The following ADAM11 variants were observed in gnomAD, a reference collection of about 807,000 sequenced individuals.
The protein encoded by ADAM11 is ADAM metallopeptidase domain 11, also known as disintegrin and metalloproteinase domain-containing protein 11.
Under a neutral mutation model 119.1 loss-of-function variants are expected in ADAM11, and 49 were observed. The observed-to-expected ratio is 0.41, with a 90% CI of 0.33 to 0.52. ADAM11 has a LOEUF of 0.52. Ranked by LOEUF, ADAM11 falls within the 20% of genes least tolerant of loss-of-function variation. The pLI is 0.20. For missense variants in ADAM11, 777 were observed against 1,047.5 expected (o/e 0.74, Z 3.56); for synonymous variants, 364 against 408.0 (o/e 0.89, Z 1.30).
chr17:44,769,996 C>T lies in ADAM11; in HGVS notation c.329C>T (p.Ser110Leu), dbSNP rs376893849. ...DLELNHHLLS[S>L]QYVERHFSRE... ...CTCTGTCTCAGCCACCTCCTCTCCT[C>T]GCAATACGTGGAGCGCCACTTCAGC... Residue 110 changes from serine to leucine, a missense_variant, in exon 4 of 27, where the codon TCG becomes TTG. Ser to Leu is a moderately radical substitution (Grantham distance 145). Coordinates refer to ENST00000200557, the MANE Select transcript of ADAM11 (RefSeq NM_002390.6). The T allele has an allele frequency of 8.7e-6, 14 of 1,614,034 alleles. No homozygotes were observed. Among genetic ancestry groups the T allele is most frequent in the Non-Finnish European group, 1.2e-5 (14 of 1,180,014 alleles).
intron 2 of ADAM11, among the ~76,000 whole-genome samples, chr17:44,764,456 G>C (rs1036034304): frequency 6.6e-6 from 1 of 152,198 alleles, no homozygotes; most frequent in Non-Finnish European, 1.5e-5. Context: ...TATAGTCTGT[G>C]TGGCTGAAGT....
At chr17:44,770,488 TCC>T (rs754119100) in intron 4 of ADAM11, among the ~76,000 whole-genome samples, 4,384 of 60,266 alleles carry the variant, frequency 0.073, 351 homozygotes, top group African/African-American at 0.22. Flanking sequence ...ATAGCCTGTC[TCC>T]CCCCCCCCCG....
chr17:44,764,789 T>C (rs1019119069), intron 2 of ADAM11, among the ~76,000 whole-genome samples: 1 of 152,134 alleles, frequency 6.6e-6, no homozygotes, highest in East Asian at 1.9e-4. Context: ...AGATGATGAA[T>C]GTCAGGTGTC....
In ADAM11 at chr17:44,776,798, ATGATGGCTGCCCCC is replaced by A; in HGVS notation, c.1617+7_1617+20del. The A allele has an allele frequency of 1.2e-6, 2 of 1,614,162 alleles. No homozygotes were observed. The highest frequency in any genetic ancestry group is 1.7e-6 in the Non-Finnish European group (2 of 1,180,020). On this transcript the variant is annotated splice_donor_5th_base_variant and intron_variant, in intron 19 of 26. Transcript: ENST00000200557. The surrounding 1 kb of genome is among the most constrained non-coding windows in gnomAD (Gnocchi z 5.2). ...GTTACTACTGTGACCATGAGCAGGT[ATGATGGCTGCCCCC>A]TGAGCCTGGGATTCAGGGCAGTCTC...
At chr17:44,761,592 A>G (rs1245813307) in intron 2 of ADAM11, among the ~76,000 whole-genome samples, 3 of 152,096 alleles carry the variant, frequency 2.0e-5, no homozygotes, top group African/African-American at 2.4e-5. Context: ...ATGGAGTTCC[A>G]TGGATCTGCC....
At chr17:44,766,766 C>T (rs2049455535) in intron 2 of ADAM11, among the ~76,000 whole-genome samples, 1 of 152,028 alleles carries the variant, frequency 6.6e-6, no homozygotes, top group African/African-American at 2.4e-5. Context: ...GAGACAAGTG[C>T]AGGGCACAGG....
Position 44,759,811 on chromosome 17 carries a change from A to G in ADAM11, c.151A>G (p.Ser51Gly). ...AGGAGCCCCTGAGGTCACGGAACCC[A>G]GCCGTCTGGTTAGGGAGAGCTCCGG... ...GPGAPEVTEP[S>G]RLVRESSGGE... Residue 51 changes from serine to glycine, a missense_variant, in exon 2 of 27, where the codon AGC (serine) becomes GGC (glycine). Physicochemically the swap from Ser to Gly is moderately conservative, Grantham distance 56. Coordinates refer to ENST00000200557, the MANE Select transcript of ADAM11 (RefSeq NM_002390.6). The G allele has an allele frequency of 7.6e-7, 1 of 1,319,286 alleles. No homozygotes were observed. Among genetic ancestry groups the G allele is most frequent in the Non-Finnish European group, 9.7e-7 (1 of 1,026,288 alleles). 81.7% of individuals were successfully genotyped at this position (1,319,286 alleles called of 1,614,324 possible).
In ADAM11 at chr17:44,777,284, A is replaced by G. The variant is rs2049616956; in HGVS notation, c.1781+19A>G. The G allele has an allele frequency of 1.9e-6, 3 of 1,585,742 alleles. No individual in the cohort carries two copies. In the East Asian group the frequency reaches 6.7e-5, roughly 36 times the overall value. On this transcript the variant is annotated intron_variant, in intron 21 of 26. Transcript: ENST00000200557. The surrounding 1 kb of genome is among the most constrained non-coding windows in gnomAD (Gnocchi z 5.1). ...GTAAGCAGTGAGTACTGAGGCTCCC[A>G]GAGGGCCTCTCAGCTCCAGGGCAGG...
intron 4 of ADAM11, among the ~76,000 whole-genome samples, chr17:44,771,249 A>C (rs993178979): frequency 6.6e-6 from 1 of 151,650 alleles, no homozygotes; most frequent in Non-Finnish European, 1.5e-5. Flanking sequence ...GCAGTGAGCC[A>C]AGATCACACC....
intron 2 of ADAM11, among the ~76,000 whole-genome samples, chr17:44,767,141 G>T (rs1372184653): frequency 6.6e-6 from 1 of 151,954 alleles, no homozygotes; most frequent in East Asian, 1.9e-4. Context: ...GGATCACAAG[G>T]TCAGGAGTTC....
Position 44,770,067 on chromosome 17 carries a change from G to A in ADAM11, c.381+19G>A, listed in dbSNP as rs2145220308. ...CAGCACCGTGAGTGCCACTGCAGGG[G>A]ACCGGGGCCGGGGATGGAAGGGAGG... is the stretch of plus-strand genomic sequence containing the variant. On this transcript the variant is annotated intron_variant, in intron 4 of 26. Coordinates refer to ENST00000200557, the MANE Select transcript of ADAM11 (RefSeq NM_002390.6). 1 of 1,613,496 alleles carries A rather than the reference G, an allele frequency of 6.2e-7. No individual in the cohort carries two copies. The highest frequency in any genetic ancestry group is 2.2e-5 in the East Asian group (1 of 44,888).
Position 44,759,178 on chromosome 17 carries a change from G to A in ADAM11, c.-22G>A, listed in dbSNP as rs1238857738. 6 of 1,221,582 alleles carry A rather than the reference G, an allele frequency of 4.9e-6. No homozygotes were observed. The highest frequency in any genetic ancestry group is 6.2e-6 in the Non-Finnish European group (6 of 970,890). The allele number at this position is 1,221,582 out of a possible 1,614,324, so 75.7% of individuals were successfully genotyped here. A position where few individuals can be genotyped will look rare whatever the true frequency, so the allele number is the denominator to read the frequency against. On this transcript the variant is annotated 5_prime_UTR_variant, in exon 1 of 27. Transcript: ENST00000200557. The stretch of plus-strand genomic sequence containing the variant: ...GCGCCGCTGGCAGCCGCAGCCCCCG[G>A]ACCGGGAGGAATGAGCGAGCCATGA...
intron 25 of ADAM11, among the ~76,000 whole-genome samples, chr17:44,778,521 G>A (rs983562759): frequency 2.6e-5 from 4 of 151,838 alleles, no homozygotes; most frequent in African/African-American, 4.8e-5. Flanking sequence ...GTGAAACCCC[G>A]TCTCTATTAA....
Position 44,773,124 on chromosome 17 carries a change from G to GC in ADAM11, c.825+45dup, listed in dbSNP as rs757431453. 8 of 1,538,404 alleles carry GC rather than the reference G, an allele frequency of 5.2e-6. No individual in the cohort carries two copies. Among genetic ancestry groups the GC allele is most frequent in the South Asian group, 3.4e-5 (3 of 89,234 alleles). On this transcript the variant is annotated intron_variant, in intron 10 of 26. Coordinates refer to ENST00000200557, the MANE Select transcript of ADAM11 (RefSeq NM_002390.6). This position sits in a 1 kb window ranked among gnomAD's most constrained non-coding sequence, Gnocchi z 4.6. ...CCTCCCTCCCTTCCCTCCTCCTCAT[G>GC]CCCCCCACCCCACCACACACATTAG...
chr17:44,776,677 C>G lies in ADAM11; in HGVS notation c.1567-68C>G. The G allele has an allele frequency of 6.4e-7, 1 of 1,574,710 alleles. No homozygotes were observed. Among genetic ancestry groups the G allele is most frequent in the South Asian group, 1.1e-5 (1 of 88,526 alleles). ...GGGGGGCACTTGGTACCCCAGCATT[C>G]CTCCCTGGGGCAGCCCTCAGCTCCA... is the stretch of plus-strand genomic sequence containing the variant. On this transcript the variant is annotated intron_variant, in intron 18 of 26. Transcript: ENST00000200557. This position sits in a 1 kb window ranked among gnomAD's most constrained non-coding sequence, Gnocchi z 5.2.
At chr17:44,765,237 G>A (rs2049433367) in intron 2 of ADAM11, among the ~76,000 whole-genome samples, 1 of 148,778 alleles carries the variant, frequency 6.7e-6, no homozygotes. Context: ...TGGGTGGGGG[G>A]TTTCTCCCAG....
chr17:44,779,388 C>T, intron 26 of ADAM11, 149 bp downstream of exon 26: 1 of 1,455,434 alleles, frequency 6.9e-7, no homozygotes, highest in South Asian at 1.5e-5. Context: ...GCTGTCCCGG[C>T]AGGGGTGGGA....
Position 44,769,703 on chromosome 17 carries a change from C to A in ADAM11, c.238-15C>A. The A allele has an allele frequency of 9.4e-7, 1 of 1,069,310 alleles. No homozygotes were observed. Among genetic ancestry groups the A allele is most frequent in the Non-Finnish European group, 1.5e-6 (1 of 682,310 alleles). The allele number at this position is 1,069,310 out of a possible 1,614,324, so 66.2% of individuals were successfully genotyped here. A position where few individuals can be genotyped will look rare whatever the true frequency, so the allele number is the denominator to read the frequency against. ...CTCCCTGGGTTGACTCCCCCTCTGC[C>A]CTCCCCCCACCCAGCCTGTCCATCT... On this transcript the variant is annotated splice_polypyrimidine_tract_variant and intron_variant, in intron 2 of 26. Coordinates refer to ENST00000200557, the MANE Select transcript of ADAM11 (RefSeq NM_002390.6).
In ADAM11 at chr17:44,776,258, C is replaced by A; in HGVS notation, c.1566+51C>A. 6.2e-7 allele frequency: 1 copy of A among 1,600,332 alleles called. No individual in the cohort carries two copies. Among genetic ancestry groups the A allele is most frequent in the Middle Eastern group, 1.7e-4 (1 of 6,018 alleles). On this transcript the variant is annotated intron_variant, in intron 18 of 26. Transcript: ENST00000200557. This position sits in a 1 kb window ranked among gnomAD's most constrained non-coding sequence, Gnocchi z 5.2. Reference sequence around the variant, plus strand: ...GAGCCCTGGGCGAGGCAACCCCTACCCTTGTCGATTTGGTTTTCCCGGACG... The same window carrying A: ...GAGCCCTGGGCGAGGCAACCCCTACACTTGTCGATTTGGTTTTCCCGGACG...
Sources: gnomAD v4.1 joint callset for allele counts (sites outside exome capture counted in the v4.1 genomes callset) on GRCh38, gnomAD v4.1.1 for gene constraint, Gnocchi (gnomAD v3.1) non-coding constraint, MANE v1.5 for transcripts, NCBI Gene and HGNC (gene_info 2026-07-23, HGNC 2026-07-21) for gene names.